SEM1: variants seen among roughly 807,000 people sequenced by gnomAD.
The protein encoded by SEM1 is SEM1 26S proteasome subunit.
A neutral mutation model predicts 12.7 loss-of-function variants in SEM1; 3 were observed. That is an observed-to-expected ratio of 0.24 (90% CI 0.11 to 0.61). SEM1 has a LOEUF of 0.61. Ranked by LOEUF, SEM1 falls within the 20% of genes least tolerant of loss-of-function variation. The pLI, the probability that SEM1 is intolerant of heterozygous loss-of-function variation, is 0.88. For missense variants in SEM1, 59 were observed against 81.3 expected (o/e 0.73, Z 1.06); for synonymous variants, 30 against 27.8 (o/e 1.08, Z -0.25).
At chr7:96,552,074 T>C (rs902229753) in intron 2 of SEM1, among the ~76,000 whole-genome samples, 18 of 152,180 alleles carry the variant, frequency 1.2e-4, no homozygotes, top group African/African-American at 3.4e-4. Context: ...CACTCTGTCA[T>C]GTTCGTCATT....
chr7:96,514,488 C>T (rs1804028747), intron 2 of SEM1, among the ~76,000 whole-genome samples: 1 of 151,274 alleles, frequency 6.6e-6, no homozygotes, highest in African/African-American at 2.4e-5. Flanking sequence ...TCTTTCTTCA[C>T]AGATGACATG....
chr7:96,594,874 G>C (rs1806945848), intron 2 of SEM1, among the ~76,000 whole-genome samples: 2 of 152,074 alleles, frequency 1.3e-5, no homozygotes, highest in Admixed American at 6.6e-5. Flanking sequence ...CTGTGATACA[G>C]AGCAGCTACA....
chr7:96,639,504 C>G (rs1808526758), intron 2 of SEM1, among the ~76,000 whole-genome samples: 1 of 151,794 alleles, frequency 6.6e-6, no homozygotes, highest in African/African-American at 2.4e-5. Flanking sequence ...TTTCAATACA[C>G]CATGCTGAAA....
intron 2 of SEM1, among the ~76,000 whole-genome samples, chr7:96,559,880 C>T (rs1017112338): frequency 3.9e-5 from 6 of 152,300 alleles, no homozygotes; most frequent in East Asian, 3.9e-4. Flanking sequence ...CAAGCCTTTG[C>T]AAGTCCTGCT....
chr7:96,679,708 C>T (rs553843460), intron 2 of SEM1, among the ~76,000 whole-genome samples: 3 of 152,190 alleles, frequency 2.0e-5, no homozygotes, highest in South Asian at 2.1e-4. Flanking sequence ...GCTTATTACA[C>T]AGATTTGTGA....
intron 2 of SEM1, among the ~76,000 whole-genome samples, chr7:96,627,631 A>G (rs575521346): frequency 6.6e-6 from 1 of 152,240 alleles, no homozygotes; most frequent in South Asian, 2.1e-4. Context: ...GTCAGAGAAG[A>G]TGCTTGATAT....
chr7:96,696,143 A>C (rs1409289264), intron 1 of SEM1: 1 of 151,896 alleles, frequency 6.6e-6, no homozygotes, highest in Non-Finnish European at 1.5e-5. Flanking sequence ...ATTTACAACA[A>C]AGATAAAGCA....
chr7:96,560,927 A>G (rs945859552), intron 2 of SEM1, among the ~76,000 whole-genome samples: 7 of 152,062 alleles, frequency 4.6e-5, no homozygotes, highest in Non-Finnish European at 1.0e-4. Context: ...TGCTGTTCCT[A>G]AGCCAGTACG....
At chr7:96,486,385 T>C in exon 2 of SEM1, 5 of 1,537,020 alleles carry the variant, frequency 3.3e-6, no homozygotes, top group Non-Finnish European at 4.4e-6. Context: ...CTTTTCCTCC[T>C]TGTACAGCAA....
At chr7:96,498,523 C>T (rs994457829), upstream of SEM1, among the ~76,000 whole-genome samples, 3 of 152,090 alleles carry the variant, frequency 2.0e-5, no homozygotes, top group African/African-American at 7.2e-5. Flanking sequence ...CAGGAAGATA[C>T]GACAGAGATG....
chr7:96,667,176 A>G (rs1789192327), intron 2 of SEM1, among the ~76,000 whole-genome samples: 1 of 152,156 alleles, frequency 6.6e-6, no homozygotes. Context: ...AAGAGGCATA[A>G]TTCTCTTGAG....
Position 96,640,687 on chromosome 7 carries a change from G to A in SEM1, c.171-18044C>T, listed in dbSNP as rs1808563713. Among the ~76,000 whole-genome samples, 1 of 151,876 alleles carries A rather than the reference G, an allele frequency of 6.6e-6. No homozygotes were observed. The highest frequency in any genetic ancestry group is 1.5e-5 in the Non-Finnish European group (1 of 67,920). On this transcript the variant is annotated intron_variant, in intron 2 of 2. Transcript: ENST00000417009. This position sits in a 1 kb window ranked among gnomAD's most constrained non-coding sequence, Gnocchi z 4.0. ...ACATCTCCAAACTCACGGAATGTAG[G>A]GCACCAGGAGTGAACCCTAATGGAA...
At chr7:96,512,191 A>G (rs1333601142) in intron 2 of SEM1, among the ~76,000 whole-genome samples, 1 of 152,162 alleles carries the variant, frequency 6.6e-6, no homozygotes, top group African/African-American at 2.4e-5. Flanking sequence ...TAAGGCCCAT[A>G]TCAGGAAAAT....
At chr7:96,651,169 T>C (rs1205595808) in intron 2 of SEM1, among the ~76,000 whole-genome samples, 1 of 152,200 alleles carries the variant, frequency 6.6e-6, no homozygotes, top group Non-Finnish European at 1.5e-5. Flanking sequence ...ATGTCACCTC[T>C]TGTGGCCAGT....
At chr7:96,704,326 A>G (rs1790377037) in intron 1 of SEM1, among the ~76,000 whole-genome samples, 1 of 152,182 alleles carries the variant, frequency 6.6e-6, no homozygotes, top group Non-Finnish European at 1.5e-5. Context: ...TTGTAGAGGG[A>G]AACTGTGTTT....
intron 2 of SEM1, among the ~76,000 whole-genome samples, chr7:96,680,248 C>A (rs547518038): frequency 6.6e-6 from 1 of 152,202 alleles, no homozygotes; most frequent in South Asian, 2.1e-4. Flanking sequence ...CACTTCCCCA[C>A]TCCCCTAGTA....
At chr7:96,646,332 T>A (rs1177390668) in intron 2 of SEM1, among the ~76,000 whole-genome samples, 1 of 152,224 alleles carries the variant, frequency 6.6e-6, no homozygotes, top group Non-Finnish European at 1.5e-5. Context: ...CAGAACAACT[T>A]TGCTGACCTC....
chr7:96,560,814 A>G (rs1805669053), intron 2 of SEM1, among the ~76,000 whole-genome samples: 1 of 152,116 alleles, frequency 6.6e-6, no homozygotes, highest in Non-Finnish European at 1.5e-5. Flanking sequence ...AATATGTTGA[A>G]TAATTTATCA....
chr7:96,599,556 T>C (rs1158127672), intron 2 of SEM1, among the ~76,000 whole-genome samples: 1 of 152,204 alleles, frequency 6.6e-6, no homozygotes, highest in Non-Finnish European at 1.5e-5. Flanking sequence ...ACACACAGCA[T>C]GATAATGTCT....
Sources: gnomAD v4.1 joint callset for allele counts (sites outside exome capture counted in the v4.1 genomes callset) on GRCh38, gnomAD v4.1.1 for gene constraint, Gnocchi (gnomAD v3.1) non-coding constraint, MANE v1.5 for transcripts, NCBI Gene and HGNC (gene_info 2026-07-23, HGNC 2026-07-21) for gene names.